CNTN3: variants seen among roughly 807,000 people sequenced by gnomAD.
CNTN3 encodes contactin 3, also known as contactin-3.
In CNTN3, 60 loss-of-function variants were observed where a neutral mutation model predicts 119.1. The observed-to-expected ratio is 0.50, with a 90% CI of 0.41 to 0.62. The LOEUF (loss-of-function observed/expected upper bound fraction) is 0.62. Ranked by LOEUF, CNTN3 falls within the 20% of genes least tolerant of loss-of-function variation. CNTN3 has a pLI of 0.00. For synonymous variants in CNTN3, 450 were observed against 438.7 expected, an observed-to-expected ratio of 1.03 and a Z score of -0.32; for missense variants, 1,101 against 1,242.4, an observed-to-expected ratio of 0.89 and a Z score of 1.71.
At chr3:74,313,176 A>G (rs1325743240) in intron 13 of CNTN3, among the ~76,000 whole-genome samples, 1 of 152,182 alleles carries the variant, frequency 6.6e-6, no homozygotes, top group East Asian at 1.9e-4. Flanking sequence ...TGCAAGAACA[A>G]TGGAACAACT....
chr3:74,294,953 A>G (rs1041247536), intron 19 of CNTN3, among the ~76,000 whole-genome samples, 168 bp downstream of exon 19: 22 of 152,184 alleles, frequency 1.4e-4, no homozygotes, highest in Non-Finnish European at 3.1e-4. Flanking sequence ...TTTTCATTCA[A>G]CTGGTTAAAT....
intron 13 of CNTN3, among the ~76,000 whole-genome samples, chr3:74,325,476 A>T (rs895052767): frequency 4.6e-5 from 7 of 152,170 alleles, no homozygotes; most frequent in African/African-American, 1.2e-4. Context: ...GGGGGTAATG[A>T]GATATGGCTT....
At chr3:74,590,635 G>A (rs1373054887) in intron 1 of CNTN3, among the ~76,000 whole-genome samples, 1 of 152,048 alleles carries the variant, frequency 6.6e-6, no homozygotes, top group Non-Finnish European at 1.5e-5. Flanking sequence ...TAGATGTCCT[G>A]CAATGCAATT....
intron 4 of CNTN3, among the ~76,000 whole-genome samples, chr3:74,484,542 C>T (rs1702817403): frequency 6.6e-6 from 1 of 151,952 alleles, no homozygotes; most frequent in African/African-American, 2.4e-5. Flanking sequence ...GAACTGTATA[C>T]AAAATGTATA....
At chr3:74,415,060 G>A (rs1402662078) in intron 5 of CNTN3, among the ~76,000 whole-genome samples, 1 of 152,112 alleles carries the variant, frequency 6.6e-6, no homozygotes, top group Non-Finnish European at 1.5e-5. Flanking sequence ...CTCTCGAACA[G>A]TAGATTTAAA....
chr3:74,263,914 A>G lies in CNTN3; in HGVS notation c.*487T>C, dbSNP rs1701621091. 1 of 152,166 alleles carries G rather than the reference A, an allele frequency of 6.6e-6. No individual in the cohort carries two copies. The highest frequency in any genetic ancestry group is 6.6e-5 in the Admixed American group (1 of 15,254). 9.4% of individuals were successfully genotyped at this position (152,166 alleles called of 1,614,324 possible). A position where few individuals can be genotyped will look rare whatever the true frequency, so the allele number is the denominator to read the frequency against. ...TTCCAACAATGCTCTTTTGAATCACATGCCACTCCTCTCCAACAAAATAAT... is the reference window on the plus strand; with the variant it reads ...TTCCAACAATGCTCTTTTGAATCACGTGCCACTCCTCTCCAACAAAATAAT... On this transcript the variant is annotated 3_prime_UTR_variant, in exon 23 of 23. Transcript: ENST00000263665.
At chr3:74,411,388 C>G (rs866224105) in intron 5 of CNTN3, among the ~76,000 whole-genome samples, 23 of 152,030 alleles carry the variant, frequency 1.5e-4, no homozygotes, top group South Asian at 1.0e-3. Context: ...GTGTGCTGCT[C>G]AGAACATCCG....
At chr3:74,331,234 C>G (rs551531994) in intron 13 of CNTN3, among the ~76,000 whole-genome samples, 2 of 152,192 alleles carry the variant, frequency 1.3e-5, no homozygotes, top group East Asian at 3.9e-4. Context: ...TCCTTTATGC[C>G]GTATTTTTAC....
chr3:74,500,052 A>G (rs1463809174), intron 2 of CNTN3, among the ~76,000 whole-genome samples: 24 of 152,092 alleles, frequency 1.6e-4, no homozygotes, highest in Non-Finnish European at 2.5e-4. Flanking sequence ...ACTTTTTATT[A>G]CAACAAACTA....
chr3:74,427,609 A>G (rs1278457228), intron 4 of CNTN3, among the ~76,000 whole-genome samples: 3 of 152,150 alleles, frequency 2.0e-5, no homozygotes, highest in Non-Finnish European at 2.9e-5. Context: ...CTAAGATGAT[A>G]AAGAACACCT....
chr3:74,348,200 C>A (rs930614488), intron 11 of CNTN3, among the ~76,000 whole-genome samples: 1 of 152,158 alleles, frequency 6.6e-6, no homozygotes, highest in Non-Finnish European at 1.5e-5. Context: ...CACACACACA[C>A]ACAAAATGGT....
chr3:74,527,278 T>C (rs1476609095), intron 1 of CNTN3, among the ~76,000 whole-genome samples: 4 of 151,908 alleles, frequency 2.6e-5, no homozygotes, highest in African/African-American at 9.7e-5. Context: ...AATAATGAGA[T>C]TGTTTTTTAT....
chr3:74,405,362 T>C (rs1306786742), intron 5 of CNTN3, among the ~76,000 whole-genome samples: 1 of 152,020 alleles, frequency 6.6e-6, no homozygotes, highest in Non-Finnish European at 1.5e-5. Context: ...CATGGATCAA[T>C]TTTTTGATTC....
chr3:74,579,839 G>T (rs1195852590), intron 1 of CNTN3, among the ~76,000 whole-genome samples: 1 of 152,054 alleles, frequency 6.6e-6, no homozygotes, highest in Non-Finnish European at 1.5e-5. Flanking sequence ...CGGAGCTCTC[G>T]CTTTAGGAAC....
At chr3:74,550,649 C>G (rs6549629) in intron 1 of CNTN3, among the ~76,000 whole-genome samples, 139,594 of 152,248 alleles carry the variant, frequency 0.92, 64,033 homozygotes, top group East Asian at 0.93. Context: ...AGCCATCCTT[C>G]TGTCTCAGCC....
intron 11 of CNTN3, among the ~76,000 whole-genome samples, chr3:74,344,041 A>G (rs1441794524): frequency 6.6e-6 from 1 of 152,222 alleles, no homozygotes; most frequent in East Asian, 1.9e-4. Flanking sequence ...AGTTTCCTAT[A>G]CATTCTTAAG....
chr3:74,365,574 C>A lies in CNTN3; in HGVS notation c.1075G>T (p.Val359Leu), dbSNP rs1559565323. The change falls in exon 9 of 23, where the codon GTG (valine) becomes TTG (leucine). Residue 359 changes from valine (V) to leucine (L), a missense_variant. Physicochemically the swap from Val to Leu is conservative, Grantham distance 32. Transcript: ENST00000263665. The part of the protein sequence containing the change: ...YRWLKNGAAL[V>L]LEERTQIENG... ...GGTCCATGTTACCTTACCTCTAGCA[C>A]CAGGGCTGCTCCATTTTTCAGCCAT... is the stretch of plus-strand genomic sequence containing the variant. The A allele has an allele frequency of 1.2e-6, 2 of 1,613,174 alleles. No homozygotes were observed. The highest frequency in any genetic ancestry group is 1.3e-5 in the African/African-American group (1 of 74,834).
chr3:74,412,994 T>C (rs187192502), intron 5 of CNTN3, among the ~76,000 whole-genome samples: 3 of 152,232 alleles, frequency 2.0e-5, no homozygotes, highest in East Asian at 1.9e-4. Flanking sequence ...TAAGAGAGCA[T>C]ATGGTGAATT....
intron 13 of CNTN3, among the ~76,000 whole-genome samples, chr3:74,316,238 CTCA>C (rs1205653692): frequency 6.6e-6 from 1 of 152,118 alleles, no homozygotes; most frequent in Middle Eastern, 3.2e-3. Context: ...TGAAAAAATG[CTCA>C]TCATCACTAA....
Sources: allele counts gnomAD v4.1 joint callset (sites outside exome capture counted in the v4.1 genomes callset), GRCh38; gene constraint gnomAD v4.1.1; transcripts MANE v1.5; gene names NCBI Gene and HGNC (gene_info 2026-07-23, HGNC 2026-07-21).